NELL1: variants seen among roughly 807,000 people sequenced by gnomAD.
NELL1 encodes the protein neural EGFL like 1.
A neutral mutation model predicts 107.4 loss-of-function variants in NELL1; 76 were observed. The ratio of observed to expected loss-of-function variants is 0.71; its 90% confidence interval spans 0.59 to 0.86. The LOEUF (loss-of-function observed/expected upper bound fraction) is 0.86. Ranked by LOEUF, NELL1 falls within the 40% of genes least tolerant of loss-of-function variation. The probability of loss-of-function intolerance (pLI) is 0.00; values close to 1 mark genes in which losing one functional copy is unlikely to be tolerated. For missense variants in NELL1, 1,024 were observed against 1,005.5 expected (o/e 1.02, Z -0.25); for synonymous variants, 353 against 341.2 (o/e 1.03, Z -0.38).
chr11:21,062,153 G>T (rs930479802), intron 12 of NELL1, among the ~76,000 whole-genome samples: 2 of 152,210 alleles, frequency 1.3e-5, no homozygotes, highest in Admixed American at 6.5e-5. Context: ...TGTGTTATAA[G>T]TGTGAAATGC....
intron 16 of NELL1, among the ~76,000 whole-genome samples, chr11:21,550,730 T>C (rs1407321933): frequency 3.3e-5 from 5 of 152,106 alleles, no homozygotes; most frequent in Non-Finnish European, 5.9e-5. Flanking sequence ...ACCATGCTGT[T>C]TTGGTTACTG....
intron 5 of NELL1, among the ~76,000 whole-genome samples, chr11:20,912,824 C>T (rs1850161687): frequency 6.6e-6 from 1 of 152,100 alleles, no homozygotes; most frequent in Non-Finnish European, 1.5e-5. Context: ...TGTTTATAGG[C>T]ACATTGAAAA....
chr11:20,856,669 T>A (rs1259091663), intron 4 of NELL1, among the ~76,000 whole-genome samples: 6 of 152,240 alleles, frequency 3.9e-5, no homozygotes, highest in Non-Finnish European at 7.3e-5. Context: ...GGTCTGATGC[T>A]GTTTTTGGCT....
At chr11:20,966,152 T>A (rs1387200023) in intron 12 of NELL1, among the ~76,000 whole-genome samples, 1 of 152,080 alleles carries the variant, frequency 6.6e-6, no homozygotes, top group African/African-American at 2.4e-5. Context: ...GCTGGGTAAT[T>A]TACAAAGAAT....
rs377728540 is a variant in NELL1, at chr11:21,399,082, C to G, written c.1645+28134C>G. Among the ~76,000 whole-genome samples, 9 of 151,820 alleles carry G rather than the reference C, an allele frequency of 5.9e-5. No homozygotes were observed. In the East Asian group the frequency reaches 1.8e-3, roughly 30 times the overall value. On this transcript the variant is annotated intron_variant, in intron 15 of 19. Coordinates refer to ENST00000357134, the MANE Select transcript of NELL1 (RefSeq NM_006157.5). ...ATTAGACGAGCTCAGCAGATGTAAC[C>G]CACTGTATCTCCAAACACTTCTCTT...
rs199539076 is a variant in NELL1, at chr11:21,251,534, GC to G, written c.1549+22086del. 3.9e-3 allele frequency among the ~76,000 whole-genome samples: 586 copies of G among 151,804 alleles called. 1 individual carries two copies. The highest frequency in any genetic ancestry group is 6.6e-3 in the Non-Finnish European group (450 of 67,944). The stretch of plus-strand genomic sequence containing the variant: ...CAGTAACATACTACACTCTCTCCCA[GC>G]CCCCCACCTCCACCCGCCATCAACA... On this transcript the variant is annotated intron_variant, in intron 14 of 19. Coordinates refer to ENST00000357134, the MANE Select transcript of NELL1 (RefSeq NM_006157.5).
chr11:20,975,956 T>TATGTGTACATATATGTACA (rs59420210), intron 12 of NELL1, among the ~76,000 whole-genome samples: 1 of 129,582 alleles, frequency 7.7e-6, no homozygotes, highest in African/African-American at 3.0e-5. Context: ...TATATGTACA[T>TATGTGTACATATATGTACA]TATATATACA....
chr11:21,321,777 A>G (rs1850016580), intron 14 of NELL1, among the ~76,000 whole-genome samples: 1 of 152,216 alleles, frequency 6.6e-6, no homozygotes, highest in Admixed American at 6.5e-5. Context: ...TTGAACAAAC[A>G]TGCATCAATC....
intron 14 of NELL1, among the ~76,000 whole-genome samples, chr11:21,297,735 C>T (rs1849403375): frequency 6.6e-6 from 1 of 151,912 alleles, no homozygotes; most frequent in Non-Finnish European, 1.5e-5. Flanking sequence ...AGAGAATCAA[C>T]AATAATCAGG....
intron 15 of NELL1, among the ~76,000 whole-genome samples, chr11:21,500,323 T>C (rs768490905): frequency 6.6e-6 from 1 of 152,066 alleles, no homozygotes; most frequent in Non-Finnish European, 1.5e-5. Context: ...TTTTACTGTT[T>C]GGCCCCAAAA....
chr11:21,054,053 G>T (rs1853559535), intron 12 of NELL1, among the ~76,000 whole-genome samples: 1 of 152,096 alleles, frequency 6.6e-6, no homozygotes, highest in Non-Finnish European at 1.5e-5. Flanking sequence ...TTACAGAAAA[G>T]TTGGAATGTA....
At chr11:21,354,119 G>A (rs2133725292) in intron 14 of NELL1, among the ~76,000 whole-genome samples, 2 of 152,236 alleles carry the variant, frequency 1.3e-5, no homozygotes, top group South Asian at 4.2e-4. Flanking sequence ...GCAGTTTCTA[G>A]ATGAGCCCAA....
intron 14 of NELL1, among the ~76,000 whole-genome samples, chr11:21,247,476 A>G (rs969082966): frequency 5.3e-5 from 8 of 152,058 alleles, no homozygotes; most frequent in Non-Finnish European, 7.4e-5. Flanking sequence ...ACAAAAACAC[A>G]CACATCACAC....
chr11:20,679,718 A>G (rs1370325498), intron 2 of NELL1, among the ~76,000 whole-genome samples: 1 of 152,128 alleles, frequency 6.6e-6, no homozygotes, highest in Non-Finnish European at 1.5e-5. Context: ...TTATAAACAA[A>G]GTTGCTATGG....
chr11:21,165,890 G>A (rs1045268323), intron 13 of NELL1, among the ~76,000 whole-genome samples: 2 of 150,334 alleles, frequency 1.3e-5, no homozygotes, highest in Non-Finnish European at 2.9e-5. Flanking sequence ...AGCCTCCCGA[G>A]TAGCTGGGTG....
At chr11:20,674,227 G>C (rs1853991956) in intron 1 of NELL1, among the ~76,000 whole-genome samples, 1 of 152,104 alleles carries the variant, frequency 6.6e-6, no homozygotes. Context: ...TAAGTCACTT[G>C]GGCATGGATA....
chr11:21,321,648 A>G (rs1348613232), intron 14 of NELL1, among the ~76,000 whole-genome samples: 3 of 152,204 alleles, frequency 2.0e-5, no homozygotes, highest in African/African-American at 7.2e-5. Context: ...CTCTATGAGT[A>G]TTTCCATTAC....
At position 20,693,819 on chromosome 11, in the gene NELL1, C is replaced by T. The variant is rs200458573; in HGVS notation, c.184+15759C>T. ...GTGGCGTTCTCTGTATTTCCTGAAT[C>T]TGAATGTTGGCCTGCCTTGCTAGAT... is the stretch of plus-strand genomic sequence containing the variant. On this transcript the variant is annotated intron_variant, in intron 2 of 19. Transcript: ENST00000357134. Among the ~76,000 whole-genome samples the T allele has an allele frequency of 9.2e-3, 1,400 of 152,064 alleles. 19 individuals carry two copies. Among genetic ancestry groups the T allele is most frequent in the Admixed American group, 0.035 (537 of 15,250 alleles).
intron 2 of NELL1, among the ~76,000 whole-genome samples, chr11:20,691,907 C>T (rs1295351785): frequency 2.6e-5 from 4 of 152,126 alleles, no homozygotes; most frequent in South Asian, 4.1e-4. Context: ...ATGAATCCAT[C>T]GGGTCCTGGA....
Sources: gnomAD v4.1 joint callset for allele counts (sites outside exome capture counted in the v4.1 genomes callset) on GRCh38, gnomAD v4.1.1 for gene constraint, MANE v1.5 for transcripts, NCBI Gene and HGNC (gene_info 2026-07-23, HGNC 2026-07-21) for gene names.